Variants in CCDC77 observed in about 807,000 individuals in gnomAD.
The protein encoded by CCDC77 is coiled-coil domain-containing protein 77.
Under a neutral mutation model 66.8 loss-of-function variants are expected in CCDC77, and 56 were observed. The observed-to-expected ratio is 0.84, with a 90% CI of 0.68 to 1.05. The LOEUF (loss-of-function observed/expected upper bound fraction) is 1.05. Ranked by LOEUF, CCDC77 falls within the 50% of genes least tolerant of loss-of-function variation. The pLI, the probability that CCDC77 is intolerant of heterozygous loss-of-function variation, is 0.00. For missense variants in CCDC77, 570 were observed against 576.8 expected (o/e 0.99, Z 0.12); for synonymous variants, 196 against 195.2 (o/e 1.00, Z -0.03).
chr12:438,823 C>T (rs1591995635), intron 10 of CCDC77, among the ~76,000 whole-genome samples: 1 of 151,886 alleles, frequency 6.6e-6, no homozygotes, highest in Middle Eastern at 3.4e-3. Context: ...AATCCCAGCA[C>T]TTTGGGAGGC....
At chr12:393,595 G>A (rs12306875) in intron 1 of CCDC77, among the ~76,000 whole-genome samples, 2,687 of 150,908 alleles carry the variant, frequency 0.018, 47 homozygotes, top group East Asian at 0.049. Context: ...GCAATGGTGC[G>A]ATCTCAGCTC....
chr12:413,695 T>C (rs1945163336), intron 4 of CCDC77, among the ~76,000 whole-genome samples: 2 of 143,532 alleles, frequency 1.4e-5, no homozygotes, highest in African/African-American at 2.7e-5. Flanking sequence ...TGACGCAACC[T>C]CAGCTCACTG....
intron 5 of CCDC77, among the ~76,000 whole-genome samples, chr12:425,367 G>A (rs942771417): frequency 1.3e-5 from 2 of 150,252 alleles, no homozygotes; most frequent in Non-Finnish European, 2.9e-5. Flanking sequence ...TTCTCAGAGG[G>A]TCTGTTAGGA....
At position 395,551 on chromosome 12, in the gene CCDC77, A is replaced by G. The variant is rs183320552; in HGVS notation, c.-113+6065A>G. 7.1e-4 allele frequency among the ~76,000 whole-genome samples: 107 copies of G among 151,342 alleles called. 1 individual carries two copies. Among genetic ancestry groups the G allele is most frequent in the Middle Eastern group, 3.4e-3 (1 of 292 alleles). ...CCAACCAACTACAGAAAATATTTGG[A>G]AAAAAAAACAATAAAAATAATAATA... On this transcript the variant is annotated intron_variant, in intron 1 of 11. Coordinates refer to the CCDC77 transcript ENST00000422000.
At chr12:409,731 C>T (rs1945069756) in intron 3 of CCDC77, 1 of 245,928 alleles carries the variant, frequency 4.1e-6, no homozygotes. Flanking sequence ...CACGGTGGCT[C>T]ACTCCTGTAA....
intron 4 of CCDC77, among the ~76,000 whole-genome samples, chr12:412,758 T>C (rs1331536815): frequency 2.0e-5 from 3 of 152,220 alleles, no homozygotes; most frequent in Non-Finnish European, 4.4e-5. Context: ...TCAACCATTA[T>C]ACAGCAGTCT....
At chr12:441,052 A>C (rs1311670152) in intron 12 of CCDC77, 56 bp downstream of exon 12, 1 of 1,572,522 alleles carries the variant, frequency 6.4e-7, no homozygotes, top group Non-Finnish European at 8.7e-7. Context: ...GTGAGGGAAC[A>C]TGGTCACGAG....
intron 12 of CCDC77, among the ~76,000 whole-genome samples, 192 bp downstream of exon 12, chr12:441,188 T>G (rs1283077738): frequency 1.3e-5 from 2 of 152,210 alleles, no homozygotes; most frequent in Non-Finnish European, 2.9e-5. Flanking sequence ...CTGAAATCAT[T>G]GAACGACTGC....
chr12:406,512 A>G (rs951188384), intron 2 of CCDC77, among the ~76,000 whole-genome samples: 1 of 152,250 alleles, frequency 6.6e-6, no homozygotes, highest in Non-Finnish European at 1.5e-5. Context: ...CAGATCATAC[A>G]GGACCTTGTC....
chr12:403,941 A>G (rs1051664585), intron 1 of CCDC77, among the ~76,000 whole-genome samples: 1 of 152,196 alleles, frequency 6.6e-6, no homozygotes, highest in African/African-American at 2.4e-5. Flanking sequence ...GTGCCCAGCT[A>G]ATTTTTAAAA....
intron 5 of CCDC77, among the ~76,000 whole-genome samples, chr12:425,624 A>G (rs1945514541): frequency 6.6e-6 from 1 of 151,978 alleles, no homozygotes; most frequent in Non-Finnish European, 1.5e-5. Flanking sequence ...AGCATGTACC[A>G]GGTGAAATAA....
At chr12:422,471 T>G (rs1001287058) in intron 5 of CCDC77, among the ~76,000 whole-genome samples, 1 of 152,242 alleles carries the variant, frequency 6.6e-6, no homozygotes, top group African/African-American at 2.4e-5. Context: ...CTATGCTACT[T>G]TTCGTCTCCA....
chr12:428,928 A>G, intron 6 of CCDC77, 63 bp downstream of exon 6: 1 of 1,025,102 alleles, frequency 9.8e-7, no homozygotes, highest in Non-Finnish European at 1.5e-6. Context: ...AAGGCCCATC[A>G]TCAGAAGAAC....
chr12:398,510 G>A (rs373315950), upstream of CCDC77, among the ~76,000 whole-genome samples: 26 of 151,780 alleles, frequency 1.7e-4, no homozygotes, highest in African/African-American at 6.3e-4. Flanking sequence ...CGCGATCTGG[G>A]CTCACTGCAA....
At chr12:423,114 CTTT>C (rs139334337) in intron 5 of CCDC77, among the ~76,000 whole-genome samples, 44 of 74,552 alleles carry the variant, frequency 5.9e-4, no homozygotes, top group African/African-American at 2.1e-3. Context: ...TCTTTTAAGC[CTTT>C]TTTTTTTTTT....
chr12:433,025 C>G, intron 8 of CCDC77, 149 bp from the exon 9 acceptor site: 1 of 900,050 alleles, frequency 1.1e-6, no homozygotes, highest in Non-Finnish European at 1.7e-6. Context: ...AGAGCAAGAC[C>G]TTGTCTTGAA....
At chr12:397,168 T>G (rs1944838978), upstream of CCDC77, among the ~76,000 whole-genome samples, 1 of 152,078 alleles carries the variant, frequency 6.6e-6, no homozygotes, top group Non-Finnish European at 1.5e-5. Flanking sequence ...GGTCAGGAGT[T>G]CAAGACCAGC....
chr12:392,859 C>A (rs7133796), intron 1 of CCDC77, among the ~76,000 whole-genome samples: 118,527 of 151,892 alleles, frequency 0.78, 46,317 homozygotes, highest in East Asian at 0.84. Flanking sequence ...TTATTCATTT[C>A]AATATAAAAC....
chr12:425,386 G>C (rs140004900), intron 5 of CCDC77, among the ~76,000 whole-genome samples: 1 of 151,648 alleles, frequency 6.6e-6, no homozygotes, highest in African/African-American at 2.4e-5. Flanking sequence ...GATTCTTGTC[G>C]TGGTGCTTGC....
Sources: allele counts gnomAD v4.1 joint callset (sites outside exome capture counted in the v4.1 genomes callset), GRCh38; gene constraint gnomAD v4.1.1; transcripts MANE v1.5; gene names NCBI Gene and HGNC (gene_info 2026-07-23, HGNC 2026-07-21).